Variants in ZFPM2 observed in about 807,000 individuals in gnomAD.
ZFPM2 encodes zinc finger protein ZFPM2.
ZFPM2 carries 20 observed loss-of-function variants against 98.6 expected under a neutral mutation model. That is an observed-to-expected ratio of 0.20 (90% CI 0.14 to 0.29). The LOEUF (loss-of-function observed/expected upper bound fraction) is 0.29, where lower values mean the gene tolerates loss of function less well. ZFPM2 is among the 10% of genes least tolerant of loss of function. The probability of loss-of-function intolerance (pLI) is 1.00; values close to 1 mark genes in which losing one functional copy is unlikely to be tolerated. For synonymous variants in ZFPM2, 518 were observed against 502.7 expected, an observed-to-expected ratio of 1.03 and a Z score of -0.41; for missense variants, 1,310 against 1,388.6, an observed-to-expected ratio of 0.94 and a Z score of 0.90.
chr8:105,384,539 G>A (rs1486611790), intron 1 of ZFPM2, among the ~76,000 whole-genome samples: 2 of 151,878 alleles, frequency 1.3e-5, no homozygotes, highest in African/African-American at 4.8e-5. Context: ...GAGACAGATG[G>A]GCCTAAGGCA....
intron 5 of ZFPM2, among the ~76,000 whole-genome samples, chr8:105,739,799 A>G (rs2131030948): frequency 6.6e-6 from 1 of 152,082 alleles, no homozygotes; most frequent in African/African-American, 2.4e-5. Flanking sequence ...GAGTATTTCA[A>G]AAATGGTAGG....
At chr8:105,598,552 C>T (rs1175062608) in intron 4 of ZFPM2, among the ~76,000 whole-genome samples, 1 of 152,102 alleles carries the variant, frequency 6.6e-6, no homozygotes, top group Non-Finnish European at 1.5e-5. Context: ...ATGATCAGTT[C>T]TTCTTTTTCT....
At chr8:105,331,586 A>G (rs984036689) in intron 1 of ZFPM2, among the ~76,000 whole-genome samples, 6 of 151,762 alleles carry the variant, frequency 4.0e-5, no homozygotes, top group African/African-American at 1.4e-4. Context: ...CTACTCTCCT[A>G]AGAAAGAAAC....
At chr8:105,674,067 A>G (rs992804518) in intron 5 of ZFPM2, among the ~76,000 whole-genome samples, 9 of 152,240 alleles carry the variant, frequency 5.9e-5, no homozygotes, top group Non-Finnish European at 1.3e-4. Context: ...TTTCTGCAAT[A>G]AAGCCATCAG....
chr8:105,649,269 G>T (rs1374955222), intron 5 of ZFPM2, among the ~76,000 whole-genome samples: 1 of 152,176 alleles, frequency 6.6e-6, no homozygotes, highest in Non-Finnish European at 1.5e-5. Flanking sequence ...TCAGCTTAAG[G>T]AGATTTTGGG....
In ZFPM2 at chr8:105,717,688, T is replaced by C. The variant is rs571867323; in HGVS notation, c.533-71030T>C. On this transcript the variant is annotated intron_variant, in intron 5 of 7. Coordinates refer to ENST00000407775, the MANE Select transcript of ZFPM2 (RefSeq NM_012082.4). ...ATTGCCTCAATTATCAATTATTTAC[T>C]ATCCTTATAATTTAGTAAAGGAGCA... 5.9e-5 allele frequency among the ~76,000 whole-genome samples: 9 copies of C among 152,108 alleles called. No homozygotes were observed. The East Asian group carries it at 1.8e-3, about 30-fold the overall frequency.
chr8:105,745,567 T>G (rs1812323899), intron 5 of ZFPM2, among the ~76,000 whole-genome samples: 1 of 152,090 alleles, frequency 6.6e-6, no homozygotes, highest in South Asian at 2.1e-4. Flanking sequence ...TTCCCAGAAT[T>G]TGTCATTTGT....
intron 4 of ZFPM2, among the ~76,000 whole-genome samples, chr8:105,630,632 A>G (rs1380324876): frequency 1.3e-5 from 2 of 152,192 alleles, no homozygotes; most frequent in Non-Finnish European, 2.9e-5. Context: ...TTTAAAATAT[A>G]TAATGCCTAA....
chr8:105,567,292 C>T (rs892415588), intron 4 of ZFPM2, among the ~76,000 whole-genome samples: 18 of 152,106 alleles, frequency 1.2e-4, no homozygotes, highest in Non-Finnish European at 4.4e-5. Flanking sequence ...TTTTTTCCAG[C>T]GTTAAGAGCA....
intron 5 of ZFPM2, among the ~76,000 whole-genome samples, chr8:105,656,676 A>T (rs1203939498): frequency 1.3e-5 from 2 of 152,216 alleles, no homozygotes; most frequent in African/African-American, 4.8e-5. Flanking sequence ...CTGTGTCAAT[A>T]GAAGAATCTC....
intron 5 of ZFPM2, among the ~76,000 whole-genome samples, chr8:105,748,179 G>A (rs1353566137): frequency 6.6e-6 from 1 of 151,992 alleles, no homozygotes; most frequent in African/African-American, 2.4e-5. Flanking sequence ...AAGGATAAAA[G>A]GCTTTAGTTA....
intron 5 of ZFPM2, chr8:105,684,830 A>G (rs1306439765): frequency 6.6e-6 from 1 of 152,054 alleles, no homozygotes; most frequent in African/African-American, 2.4e-5. Flanking sequence ...AGGACATTTT[A>G]ATCTTATCCC....
At chr8:105,506,208 A>G (rs1286605221) in intron 3 of ZFPM2, among the ~76,000 whole-genome samples, 1 of 152,180 alleles carries the variant, frequency 6.6e-6, no homozygotes. Context: ...CAGATTTGTA[A>G]ATATATCAAT....
intron 4 of ZFPM2, among the ~76,000 whole-genome samples, chr8:105,573,529 A>G (rs1815400912): frequency 2.0e-5 from 3 of 152,198 alleles, no homozygotes; most frequent in Admixed American, 1.3e-4. Context: ...AACCAAAATC[A>G]AAGATTAATA....
At chr8:105,782,817 C>A (rs1383699331) in intron 5 of ZFPM2, among the ~76,000 whole-genome samples, 2 of 152,010 alleles carry the variant, frequency 1.3e-5, no homozygotes, top group African/African-American at 4.8e-5. Context: ...TATTAATATA[C>A]CATTAATATG....
At chr8:105,606,866 G>A (rs889842226) in intron 4 of ZFPM2, among the ~76,000 whole-genome samples, 4 of 152,062 alleles carry the variant, frequency 2.6e-5, no homozygotes, top group African/African-American at 9.7e-5. Context: ...AGGATATTCT[G>A]CCCATGGTTC....
intron 1 of ZFPM2, among the ~76,000 whole-genome samples, chr8:105,347,997 A>G (rs1053260315): frequency 6.6e-6 from 1 of 152,156 alleles, no homozygotes; most frequent in Non-Finnish European, 1.5e-5. Flanking sequence ...AACTTTTCCT[A>G]TCCAGCTTGA....
chr8:105,363,998 A>C (rs568272116), intron 1 of ZFPM2, among the ~76,000 whole-genome samples: 1 of 152,222 alleles, frequency 6.6e-6, no homozygotes, highest in African/African-American at 2.4e-5. Context: ...TAGAAAAGAA[A>C]ATTTGTAGAG....
Position 105,320,513 on chromosome 8 carries a change from C to A in ZFPM2, c.40+1532C>A, listed in dbSNP as rs557253707. On this transcript the variant is annotated intron_variant, in intron 1 of 7. Transcript: ENST00000407775. Reference sequence around the variant, plus strand: ...CAATTGCCTTGTAGTTTTTAGGACTCAATTGATCAGATTCCTCTGTTTAAA... The same window carrying A: ...CAATTGCCTTGTAGTTTTTAGGACTAAATTGATCAGATTCCTCTGTTTAAA... Among the ~76,000 whole-genome samples the A allele has an allele frequency of 4.0e-4, 61 of 152,256 alleles. 1 individual carries two copies. In the South Asian group the frequency reaches 0.012, roughly 31 times the overall value.
Sources: allele counts gnomAD v4.1 joint callset (sites outside exome capture counted in the v4.1 genomes callset), GRCh38; gene constraint gnomAD v4.1.1; transcripts MANE v1.5; gene names NCBI Gene and HGNC (gene_info 2026-07-23, HGNC 2026-07-21).